Variants in COL14A1 observed in about 807,000 individuals in gnomAD.
The protein encoded by COL14A1 is collagen type XIV alpha 1 chain, also known as collagen alpha-1(XIV) chain.
A neutral mutation model predicts 230.3 loss-of-function variants in COL14A1; 136 were observed. The observed-to-expected ratio is 0.59, with a 90% CI of 0.51 to 0.68. The LOEUF is 0.68. COL14A1 is among the 30% of genes least tolerant of loss of function. The pLI, the probability that COL14A1 is intolerant of heterozygous loss-of-function variation, is 0.00. For synonymous variants in COL14A1, 792 were observed against 784.1 expected (o/e 1.01, Z -0.17); for missense variants, 1,976 against 2,215.8 (o/e 0.89, Z 2.17).
intron 40 of COL14A1, among the ~76,000 whole-genome samples, chr8:120,318,577 C>T (rs1423680679): frequency 6.6e-6 from 1 of 152,060 alleles, no homozygotes; most frequent in East Asian, 1.9e-4. Context: ...TGGTGGGAGA[C>T]AGACCTTGGA....
chr8:120,236,114 G>A (rs1165062052), intron 19 of COL14A1, among the ~76,000 whole-genome samples: 3 of 152,200 alleles, frequency 2.0e-5, no homozygotes, highest in Non-Finnish European at 2.9e-5. Context: ...GGAGAGTTCT[G>A]TAGATGTCTA....
At chr8:120,244,127 A>G (rs1293387809) in intron 20 of COL14A1, 119 bp downstream of exon 20, 2 of 1,209,510 alleles carry the variant, frequency 1.7e-6, no homozygotes, top group Non-Finnish European at 2.3e-6. Flanking sequence ...AGATTTGGGA[A>G]CAGGAAATCT....
chr8:120,261,788 C>T (rs998282789), intron 23 of COL14A1, among the ~76,000 whole-genome samples: 2 of 152,296 alleles, frequency 1.3e-5, no homozygotes, highest in South Asian at 2.1e-4. Flanking sequence ...AGCACCATGT[C>T]CCTTTTCCTC....
intron 38 of COL14A1, among the ~76,000 whole-genome samples, chr8:120,314,528 T>C (rs528437114): frequency 6.6e-6 from 1 of 152,318 alleles, no homozygotes; most frequent in Non-Finnish European, 1.5e-5. Context: ...CTTTGAAAAG[T>C]CATTTTGTAC....
chr8:120,229,217 C>T (rs1366781961), intron 18 of COL14A1, among the ~76,000 whole-genome samples: 5 of 150,004 alleles, frequency 3.3e-5, no homozygotes, highest in African/African-American at 7.4e-5. Flanking sequence ...CACACTAACT[C>T]GTCATCTAGC....
At chr8:120,319,298 G>A (rs759267539) in intron 40 of COL14A1, among the ~76,000 whole-genome samples, 3 of 151,758 alleles carry the variant, frequency 2.0e-5, no homozygotes, top group Admixed American at 6.6e-5. Context: ...CTGGGACTGC[G>A]GGTTTGCACC....
chr8:120,283,795 A>G lies in COL14A1; in HGVS notation c.3967+17A>G. ...TTTTAGACAGTAAGTATATTTATTGAGATCACATTCACATATACATGTATG... is the reference window on the plus strand; with the variant it reads ...TTTTAGACAGTAAGTATATTTATTGGGATCACATTCACATATACATGTATG... On this transcript the variant is annotated intron_variant, in intron 32 of 47. Transcript: ENST00000297848. 6.2e-7 allele frequency: 1 copy of G among 1,601,300 alleles called. No homozygotes were observed. The highest frequency in any genetic ancestry group is 8.5e-7 in the Non-Finnish European group (1 of 1,174,682).
At chr8:120,162,927 C>G (rs1025524454) in intron 4 of COL14A1, among the ~76,000 whole-genome samples, 1 of 152,168 alleles carries the variant, frequency 6.6e-6, no homozygotes, top group Non-Finnish European at 1.5e-5. Context: ...TTCTCTGTGA[C>G]CCCTAGAAGC....
chr8:120,266,964 G>A lies in COL14A1; in HGVS notation c.3073+81G>A, dbSNP rs531394797. 3.7e-5 allele frequency: 44 copies of A among 1,204,714 alleles called. No individual in the cohort carries two copies. In the East Asian group the frequency reaches 8.9e-4, roughly 24 times the overall value. 74.6% of individuals were successfully genotyped at this position (1,204,714 alleles called of 1,614,324 possible). A position where few individuals can be genotyped will look rare whatever the true frequency, so the allele number is the denominator to read the frequency against. ...TGTTTGCCTGTTCATTTCAAACCAG[G>A]ATATTAATAAAGTATATTTATTGTG... On this transcript the variant is annotated intron_variant, in intron 25 of 47. Transcript: ENST00000297848.
chr8:120,203,631 G>A, intron 8 of COL14A1, 78 bp from the exon 9 acceptor site: 1 of 1,398,100 alleles, frequency 7.2e-7, no homozygotes, highest in African/African-American at 1.4e-5. Context: ...GACTGACTGG[G>A]TCAGATCAGG....
chr8:120,308,952 TG>T (rs1311133563), intron 36 of COL14A1, among the ~76,000 whole-genome samples: 1 of 152,204 alleles, frequency 6.6e-6, no homozygotes, highest in African/African-American at 2.4e-5. Flanking sequence ...AAATTTTTTT[TG>T]TTTTGAGAGG....
intron 24 of COL14A1, among the ~76,000 whole-genome samples, chr8:120,265,399 C>G (rs1402952877): frequency 3.3e-5 from 5 of 151,916 alleles, no homozygotes; most frequent in Admixed American, 3.3e-4. Context: ...GTTTTGCAAT[C>G]CTAGTTACAA....
At chr8:120,331,339 TAC>T (rs1821856693) in intron 40 of COL14A1, among the ~76,000 whole-genome samples, 1 of 152,142 alleles carries the variant, frequency 6.6e-6, no homozygotes, top group Admixed American at 6.5e-5. Flanking sequence ...GAAAAAATTT[TAC>T]GAAATTTTAT....
rs897059080 is a variant in COL14A1 at position 120,330,965 on chromosome 8, C to T, written c.4660-1176C>T. 3.9e-4 allele frequency among the ~76,000 whole-genome samples: 59 copies of T among 151,942 alleles called. 1 individual carries two copies. Among genetic ancestry groups the T allele is most frequent in the East Asian group, 1.9e-4 (1 of 5,176 alleles). On this transcript the variant is annotated intron_variant, in intron 40 of 47. Coordinates refer to ENST00000297848, the MANE Select transcript of COL14A1 (RefSeq NM_021110.4). The stretch of plus-strand genomic sequence containing the variant: ...TACTAAAAATACGAAATTAGCCAGT[C>T]GTGGTGGTGCATGGCTGTCATCCCA...
chr8:120,217,338 T>A (rs1817785868), intron 14 of COL14A1, among the ~76,000 whole-genome samples: 1 of 152,206 alleles, frequency 6.6e-6, no homozygotes, highest in South Asian at 2.1e-4. Context: ...TTGCATGCAG[T>A]GACTAATACT....
intron 3 of COL14A1, among the ~76,000 whole-genome samples, chr8:120,161,773 C>A (rs1372365361): frequency 2.6e-5 from 4 of 152,126 alleles, no homozygotes; most frequent in Non-Finnish European, 4.4e-5. Flanking sequence ...AAACGATTGT[C>A]CTGCCGCAGC....
chr8:120,192,824 C>T (rs1350018849), intron 5 of COL14A1, among the ~76,000 whole-genome samples: 2 of 152,182 alleles, frequency 1.3e-5, no homozygotes, highest in Non-Finnish European at 2.9e-5. Flanking sequence ...ACCCTTTCTT[C>T]CAGTTGATCG....
chr8:120,290,440 G>A (rs867582457), intron 34 of COL14A1, among the ~76,000 whole-genome samples: 1 of 152,132 alleles, frequency 6.6e-6, no homozygotes, highest in South Asian at 2.1e-4. Context: ...TTAATACTGT[G>A]TATTCACAGC....
chr8:120,321,793 T>G (rs1001054173), intron 40 of COL14A1, among the ~76,000 whole-genome samples: 2 of 152,218 alleles, frequency 1.3e-5, no homozygotes, highest in African/African-American at 4.8e-5. Context: ...TTTCCTAACT[T>G]AAGTCATCAG....
Sources: gnomAD v4.1 joint callset for allele counts (sites outside exome capture counted in the v4.1 genomes callset) on GRCh38, gnomAD v4.1.1 for gene constraint, MANE v1.5 for transcripts, NCBI Gene and HGNC (gene_info 2026-07-23, HGNC 2026-07-21) for gene names.